CAST: variants seen among roughly 807,000 people sequenced by gnomAD.
The protein encoded by CAST is MIR583 host.
Under a neutral mutation model 119.6 loss-of-function variants are expected in CAST, and 76 were observed. That is an observed-to-expected ratio of 0.64 (90% CI 0.53 to 0.77). The LOEUF (loss-of-function observed/expected upper bound fraction) is 0.77. CAST is among the 30% of genes least tolerant of loss of function. The pLI, the probability that CAST is intolerant of heterozygous loss-of-function variation, is 0.00. For missense variants in CAST, 953 were observed against 946.5 expected (o/e 1.01, Z -0.09); for synonymous variants, 319 against 331.6 (o/e 0.96, Z 0.41).
At chr5:96,073,425 C>G in the CAST span, among the ~76,000 whole-genome samples, 1 of 152,138 alleles carries the variant, frequency 6.6e-6, no homozygotes, top group Non-Finnish European at 1.5e-5. Context: ...ATCAGAAAGT[C>G]TAATACGTTT....
chr5:96,326,914 T>C, the CAST span, among the ~76,000 whole-genome samples: 1 of 152,110 alleles, frequency 6.6e-6, no homozygotes, highest in Non-Finnish European at 1.5e-5. Flanking sequence ...TTAACCAGTG[T>C]TTTTATCCGT....
the CAST span, among the ~76,000 whole-genome samples, chr5:96,514,900 C>A: frequency 6.6e-6 from 1 of 152,068 alleles, no homozygotes; most frequent in African/African-American, 2.4e-5. Flanking sequence ...TTCAGGTGTG[C>A]GCCACCATGG....
the CAST span, among the ~76,000 whole-genome samples, chr5:96,126,364 C>T: frequency 3.3e-5 from 5 of 151,832 alleles, no homozygotes; most frequent in Non-Finnish European, 7.4e-5. Context: ...ATTCGTTGTC[C>T]TCTTTTGAAT....
At chr5:96,235,148 A>G in the CAST span, among the ~76,000 whole-genome samples, 1 of 152,158 alleles carries the variant, frequency 6.6e-6, no homozygotes, top group African/African-American at 2.4e-5. Context: ...ATCTTGGTGG[A>G]CCCCAGGAGA....
chr5:96,238,398 T>TTCTTC, the CAST span, among the ~76,000 whole-genome samples: 4 of 150,850 alleles, frequency 2.7e-5, no homozygotes, highest in Admixed American at 2.7e-4. Context: ...CTTCTTCTTC[T>TTCTTC]TTTTTTTAGA....
the CAST span, among the ~76,000 whole-genome samples, chr5:95,975,263 A>AT: frequency 6.6e-6 from 1 of 152,132 alleles, no homozygotes. Context: ...GTAACAAGTG[A>AT]TTTTATCTTT....
chr5:96,486,652 A>G, the CAST span, among the ~76,000 whole-genome samples: 146 of 152,232 alleles, frequency 9.6e-4, no homozygotes, highest in Non-Finnish European at 1.8e-3. Context: ...CTACCAAAGC[A>G]CTTCACTCTT....
At chr5:96,622,950 A>G (rs577927911) in intron 1 of CAST, among the ~76,000 whole-genome samples, 1 of 135,908 alleles carries the variant, frequency 7.4e-6, no homozygotes, top group African/African-American at 2.8e-5. Flanking sequence ...TGCAAGCTCC[A>G]CTTTCCAGAT....
chr5:96,622,810 C>T (rs1464235610), intron 1 of CAST, among the ~76,000 whole-genome samples: 1 of 148,082 alleles, frequency 6.8e-6, no homozygotes, highest in Non-Finnish European at 1.5e-5. Context: ...TGCTATTCAA[C>T]TGCATAATGA....
At chr5:96,359,409 T>C in the CAST span, among the ~76,000 whole-genome samples, 1 of 152,248 alleles carries the variant, frequency 6.6e-6, no homozygotes, top group Non-Finnish European at 1.5e-5. Context: ...CATTAGTTGA[T>C]GCAGTTTCTT....
the CAST span, among the ~76,000 whole-genome samples, chr5:96,112,393 C>G: frequency 6.6e-6 from 1 of 152,186 alleles, no homozygotes; most frequent in East Asian, 1.9e-4. Context: ...TTGGCAATTA[C>G]TGTAAATAAA....
At chr5:96,222,582 A>G in the CAST span, among the ~76,000 whole-genome samples, 1 of 152,186 alleles carries the variant, frequency 6.6e-6, no homozygotes, top group Non-Finnish European at 1.5e-5. Context: ...CCCCAGTCAG[A>G]ATGACTATTA....
At chr5:96,147,472 G>A in the CAST span, among the ~76,000 whole-genome samples, 2 of 152,048 alleles carry the variant, frequency 1.3e-5, no homozygotes, top group Non-Finnish European at 2.9e-5. Flanking sequence ...TCTTGGTGGC[G>A]GGCGCCTGTA....
At chr5:96,490,033 C>G in the CAST span, among the ~76,000 whole-genome samples, 4 of 152,292 alleles carry the variant, frequency 2.6e-5, no homozygotes, top group Non-Finnish European at 5.9e-5. Context: ...GACATATGTG[C>G]TTTCTGGGTG....
At chr5:96,700,924 G>GA (rs201298202) in intron 3 of CAST, among the ~76,000 whole-genome samples, 18 of 151,374 alleles carry the variant, frequency 1.2e-4, no homozygotes, top group South Asian at 6.2e-4. Context: ...AGAATCTTGC[G>GA]AAAAAAATTT....
the CAST span, among the ~76,000 whole-genome samples, chr5:96,380,466 C>T: frequency 6.6e-6 from 1 of 152,040 alleles, no homozygotes; most frequent in Non-Finnish European, 1.5e-5. Context: ...GAGTTGCAAA[C>T]TGAACTGGTT....
At chr5:96,058,192 C>A in the CAST span, among the ~76,000 whole-genome samples, 1 of 152,134 alleles carries the variant, frequency 6.6e-6, no homozygotes, top group Non-Finnish European at 1.5e-5. Flanking sequence ...GGCTCCTACA[C>A]TGAGTCCCTC....
At chr5:96,557,128 G>A (rs1390736285) in intron 1 of CAST, among the ~76,000 whole-genome samples, 1 of 151,964 alleles carries the variant, frequency 6.6e-6, no homozygotes, top group African/African-American at 2.4e-5. Flanking sequence ...AAGTGAAGGA[G>A]AAATAAAATA....
the CAST span, among the ~76,000 whole-genome samples, chr5:96,323,567 C>T: frequency 6.6e-6 from 1 of 152,074 alleles, no homozygotes; most frequent in Non-Finnish European, 1.5e-5. Context: ...TGGGACAATT[C>T]CTTCCATATT....
Sources: allele counts gnomAD v4.1 joint callset (sites outside exome capture counted in the v4.1 genomes callset), GRCh38; gene constraint gnomAD v4.1.1; transcripts MANE v1.5; gene names NCBI Gene and HGNC (gene_info 2026-07-23, HGNC 2026-07-21).